SESTD1: variants seen among roughly 807,000 people sequenced by gnomAD.
The protein encoded by SESTD1 is SEC14 domain and spectrin repeat-containing protein 1.
SESTD1 carries 43 observed loss-of-function variants against 101.7 expected under a neutral mutation model. The observed-to-expected ratio is 0.42, with a 90% CI of 0.33 to 0.55. SESTD1 has a LOEUF of 0.55. SESTD1 is among the 20% of genes least tolerant of loss of function. The pLI, the probability that SESTD1 is intolerant of heterozygous loss-of-function variation, is 0.07. For synonymous variants in SESTD1, 283 were observed against 286.8 expected (o/e 0.99, Z 0.13); for missense variants, 647 against 815.1 (o/e 0.79, Z 2.51).
At chr2:179,165,435 A>C (rs1299518338) in intron 5 of SESTD1, among the ~76,000 whole-genome samples, 1 of 152,192 alleles carries the variant, frequency 6.6e-6, no homozygotes, top group Non-Finnish European at 1.5e-5. Context: ...AGGATGTGAC[A>C]GGTGCCTCAT....
chr2:179,191,503 A>G (rs541254486), intron 2 of SESTD1, among the ~76,000 whole-genome samples: 2 of 152,240 alleles, frequency 1.3e-5, no homozygotes, highest in South Asian at 4.1e-4. Flanking sequence ...GGTGAGGAGA[A>G]TCAATTATAC....
intron 1 of SESTD1, among the ~76,000 whole-genome samples, chr2:179,242,074 C>G (rs2047162706): frequency 6.6e-6 from 1 of 152,052 alleles, no homozygotes; most frequent in African/African-American, 2.4e-5. Context: ...AACACTAAAG[C>G]CTTCATCAAA....
In SESTD1 at chr2:179,174,624, T is replaced by C. The variant is rs79971975; in HGVS notation, c.255+1824A>G. ...CTTTTTTTTCAAAGAAAAAGTTATT[T>C]TAGGACACCAATTTGTGCTCCCTTA... is the stretch of plus-strand genomic sequence containing the variant. On this transcript the variant is annotated intron_variant, in intron 4 of 17. Transcript: ENST00000428443. Among the ~76,000 whole-genome samples, 1,233 of 152,282 alleles carry C rather than the reference T, an allele frequency of 8.1e-3. 26 individuals are homozygous for C. The highest frequency in any genetic ancestry group is 0.029 in the African/African-American group (1,187 of 41,558).
intron 1 of SESTD1, among the ~76,000 whole-genome samples, chr2:179,248,734 T>G (rs2047269228): frequency 6.6e-6 from 1 of 151,910 alleles, no homozygotes; most frequent in Non-Finnish European, 1.5e-5. Context: ...CATTAAAAAC[T>G]TAAAGCTAAT....
chr2:179,206,183 C>A (rs945373474), intron 1 of SESTD1, among the ~76,000 whole-genome samples: 1 of 135,342 alleles, frequency 7.4e-6, no homozygotes, highest in Non-Finnish European at 1.6e-5. Flanking sequence ...CTTGGACAGA[C>A]AGTACAGCAT....
chr2:179,145,646 T>C (rs6710100), intron 8 of SESTD1, among the ~76,000 whole-genome samples: 14,067 of 152,312 alleles, frequency 0.092, 2,146 homozygotes, highest in African/African-American at 0.32. Context: ...GCTTGCACTA[T>C]GTGCAAGGCT....
At chr2:179,254,776 A>T (rs1399506136) in intron 1 of SESTD1, among the ~76,000 whole-genome samples, 1 of 152,226 alleles carries the variant, frequency 6.6e-6, no homozygotes, top group Admixed American at 6.5e-5. Flanking sequence ...TTACATGCAT[A>T]TCTCACTTTA....
Position 179,146,453 on chromosome 2 carries a change from C to T in SESTD1, c.586G>A (p.Val196Met). The T allele has an allele frequency of 6.2e-7, 1 of 1,612,858 alleles. No individual in the cohort carries two copies. Among genetic ancestry groups the T allele is most frequent in the South Asian group, 1.1e-5 (1 of 90,808 alleles). The change falls in exon 8 of 18, where the codon GTG (valine) becomes ATG (methionine). Residue 196 changes from valine (V) to methionine (M), a missense_variant. Val to Met is a conservative substitution (Grantham distance 21). Transcript: ENST00000428443. Reference sequence around the variant, plus strand: ...ACCGATGGAAGAAAGTTTAAATCCACAGACCTGGAAAACACCAAAGGAGTA... The same window carrying T: ...ACCGATGGAAGAAAGTTTAAATCCATAGACCTGGAAAACACCAAAGGAGTA... Reference protein sequence around the residue: ...KGNQQEKERSVDLNFLPSVDP... With the variant: ...KGNQQEKERSMDLNFLPSVDP...
At chr2:179,259,752 T>C (rs2047455263) in intron 1 of SESTD1, among the ~76,000 whole-genome samples, 1 of 152,196 alleles carries the variant, frequency 6.6e-6, no homozygotes, top group African/African-American at 2.4e-5. Context: ...AAATTGACTA[T>C]TTTGAACATC....
At chr2:179,253,161 C>CTT (rs2047342733) in intron 1 of SESTD1, among the ~76,000 whole-genome samples, 1 of 152,098 alleles carries the variant, frequency 6.6e-6, no homozygotes. Context: ...AGGTTCAACA[C>CTT]TTTTGTTTTT....
chr2:179,169,159 T>TGTTA (rs2045887977), intron 5 of SESTD1, among the ~76,000 whole-genome samples: 1 of 152,242 alleles, frequency 6.6e-6, no homozygotes, highest in Admixed American at 6.5e-5. Flanking sequence ...AGACAGAGAT[T>TGTTA]GTTAAACTGG....
At chr2:179,190,874 C>A (rs910871158) in intron 2 of SESTD1, among the ~76,000 whole-genome samples, 4 of 152,118 alleles carry the variant, frequency 2.6e-5, no homozygotes, top group African/African-American at 9.7e-5. Flanking sequence ...AAAAAAATAA[C>A]AGATGCTGGT....
intron 3 of SESTD1, among the ~76,000 whole-genome samples, chr2:179,177,088 CATGTCTAACCCACTT>C (rs2046024202): frequency 1.3e-5 from 2 of 152,112 alleles, no homozygotes; most frequent in African/African-American, 4.8e-5. Flanking sequence ...TTGGACAGAC[CATGTCTAACCCACTT>C]ATGCTCTCAC....
chr2:179,191,712 T>A, intron 2 of SESTD1, 75 bp downstream of exon 2: 3 of 1,206,118 alleles, frequency 2.5e-6, no homozygotes, highest in Non-Finnish European at 3.6e-6. Flanking sequence ...AAAATGCATC[T>A]GTCATACTTA....
intron 1 of SESTD1, among the ~76,000 whole-genome samples, chr2:179,251,111 G>A (rs759370388): frequency 2.0e-5 from 3 of 152,136 alleles, no homozygotes; most frequent in Non-Finnish European, 2.9e-5. Flanking sequence ...TGGAAACAGA[G>A]TAACCTGTGT....
intron 9 of SESTD1, among the ~76,000 whole-genome samples, chr2:179,143,389 T>C (rs1300630636): frequency 6.6e-6 from 1 of 152,214 alleles, no homozygotes; most frequent in Non-Finnish European, 1.5e-5. Flanking sequence ...CTAAGCTGAA[T>C]GCTCAATGTC....
chr2:179,257,166 A>G (rs566209759), intron 1 of SESTD1, among the ~76,000 whole-genome samples: 1 of 152,020 alleles, frequency 6.6e-6, no homozygotes, highest in East Asian at 1.9e-4. Context: ...ATTCTATGTC[A>G]TAGAATGAGG....
At chr2:179,254,872 C>G (rs777703808) in intron 1 of SESTD1, among the ~76,000 whole-genome samples, 2 of 152,186 alleles carry the variant, frequency 1.3e-5, no homozygotes, top group Non-Finnish European at 2.9e-5. Flanking sequence ...TTTGTCAGCT[C>G]ATTTTTCCAA....
At chr2:179,230,842 G>A (rs1230547384) in intron 1 of SESTD1, among the ~76,000 whole-genome samples, 2 of 151,960 alleles carry the variant, frequency 1.3e-5, no homozygotes, top group Non-Finnish European at 2.9e-5. Flanking sequence ...CACTAATGTA[G>A]CAAGGAAAAT....
Sources: gnomAD v4.1 joint callset for allele counts (sites outside exome capture counted in the v4.1 genomes callset) on GRCh38, gnomAD v4.1.1 for gene constraint, MANE v1.5 for transcripts, NCBI Gene and HGNC (gene_info 2026-07-23, HGNC 2026-07-21) for gene names.